ATP12A: variants seen among roughly 807,000 people sequenced by gnomAD.
ATP12A encodes the protein potassium-transporting ATPase alpha chain 2.
A neutral mutation model predicts 111.2 loss-of-function variants in ATP12A; 81 were observed. The observed-to-expected ratio is 0.73, with a 90% confidence interval of 0.61 to 0.88. ATP12A has a LOEUF of 0.88. Among genes scored for constraint, ATP12A ranks in the 40% least tolerant of loss-of-function variants. The probability of loss-of-function intolerance (pLI) is 0.00; values close to 1 mark genes in which losing one functional copy is unlikely to be tolerated. For missense variants in ATP12A, 1,196 were observed against 1,313.1 expected, an observed-to-expected ratio of 0.91 and a Z score of 1.38; for synonymous variants, 498 against 499.8, an observed-to-expected ratio of 1.00 and a Z score of 0.05.
At position 24,692,446 on chromosome 13, in the gene ATP12A, A is replaced by G. The variant is rs543553750; in HGVS notation, c.1086A>G (p.Thr362=). The change falls in exon 9 of 23, where the codon ACA becomes ACG. Residue 362 remains threonine, a synonymous_variant. Coordinates refer to ENST00000381946, the MANE Select transcript of ATP12A (RefSeq NM_001676.7). ...LATVTVTLSL[T]AKRMAKKNCL... ...CCTGCTAGGTGACCCTGTCGCTGAC[A>G]GCAAAACGGATGGCCAAGAAGAACT... 1 of 1,613,892 alleles carries G rather than the reference A, an allele frequency of 6.2e-7. No individual in the cohort carries two copies. The highest frequency in any genetic ancestry group is 8.5e-7 in the Non-Finnish European group (1 of 1,180,020).
chr13:24,710,754 A>G, intron 20 of ATP12A, 38 bp from the exon 21 acceptor site: 1 of 1,610,054 alleles, frequency 6.2e-7, no homozygotes. Context: ...ATGAAGCCAC[A>G]AGAATCCCAA....
At chr13:24,697,335 G>A (rs941803605) in intron 11 of ATP12A, among the ~76,000 whole-genome samples, 3 of 152,112 alleles carry the variant, frequency 2.0e-5, no homozygotes, top group Admixed American at 6.5e-5. Context: ...TGTTTTAAAT[G>A]TAAAAAGCCT....
chr13:24,689,139 G>T, intron 4 of ATP12A, 123 bp from the exon 5 acceptor site: 1 of 757,752 alleles, frequency 1.3e-6, no homozygotes, highest in South Asian at 1.7e-5. Flanking sequence ...CGAATTCCAT[G>T]GCCTGTAAAT....
chr13:24,700,825 C>T lies in ATP12A; in HGVS notation c.1784C>T (p.Thr595Ile). 6.2e-7 allele frequency: 1 copy of T among 1,614,202 alleles called. No homozygotes were observed. Residue 595 changes from threonine (T) to isoleucine (I), a missense_variant, in exon 13 of 23, where the codon ACC becomes ATC. By Grantham distance (89) the Thr-to-Ile change is moderately conservative. Coordinates refer to ENST00000381946, the MANE Select transcript of ATP12A (RefSeq NM_001676.7). ...SFDIDAMNFP[T>I]SNLCFVGLLS... ...GACATAGACGCTATGAACTTTCCGA[C>T]CTCCAACCTCTGTTTTGTGGGACTC...
chr13:24,692,889 T>G lies in ATP12A; in HGVS notation c.1370T>G (p.Ile457Ser), dbSNP rs74643383. The part of the protein sequence containing the change: ...EFKPGQENVP[I>S]MKKAVIGDAS... ...AAGCCAGGACAGGAAAATGTCCCCA[T>G]CATGAAGGTAATGCTTCTGCAGCAC... Residue 457 changes from isoleucine (I) to serine (S), a missense_variant, in exon 10 of 23, where the codon ATC becomes AGC. Physicochemically the swap from Ile to Ser is moderately radical, Grantham distance 142. Coordinates refer to ENST00000381946, the MANE Select transcript of ATP12A (RefSeq NM_001676.7). 1,930 of 1,613,410 alleles carry G rather than the reference T, an allele frequency of 1.2e-3. 6 individuals carry two copies. The highest frequency in any genetic ancestry group is 1.5e-3 in the Non-Finnish European group (1,766 of 1,179,344).
chr13:24,699,103 C>A (rs1875290321), intron 12 of ATP12A, among the ~76,000 whole-genome samples: 1 of 152,046 alleles, frequency 6.6e-6, no homozygotes, highest in Non-Finnish European at 1.5e-5. Context: ...CCTTAAGTGA[C>A]TGCATTTGAG....
rs1375397678 is a variant in ATP12A at position 24,692,634 on chromosome 13, C to G, written c.1267+7C>G. The G allele has an allele frequency of 6.2e-7, 1 of 1,609,864 alleles. No individual in the cohort carries two copies. The highest frequency in any genetic ancestry group is 1.3e-5 in the African/African-American group (1 of 74,986). On this transcript the variant is annotated splice_region_variant and intron_variant, in intron 9 of 22. Transcript: ENST00000381946. Reference sequence around the variant, plus strand: ...ACCAGTGAGGACCATTCAAGTAAGTCTTATGGAGAGCTCGGTCTGGCCAAA... The same window carrying G: ...ACCAGTGAGGACCATTCAAGTAAGTGTTATGGAGAGCTCGGTCTGGCCAAA...
intron 12 of ATP12A, 21 bp downstream of exon 12, chr13:24,698,871 C>T (rs771136202): frequency 6.2e-7 from 1 of 1,610,896 alleles, no homozygotes; most frequent in Admixed American, 1.7e-5. Flanking sequence ...CGGCAGGGCC[C>T]TGCCCATCAC....
At chr13:24,698,595 G>C (rs753843092) in intron 11 of ATP12A, 63 bp from the exon 12 acceptor site, 10 of 1,525,410 alleles carry the variant, frequency 6.6e-6, no homozygotes, top group Non-Finnish European at 8.9e-6. Context: ...TAATGGACCA[G>C]TAGAGAAGAA....
At chr13:24,706,071 G>GT (rs1331350597) in intron 14 of ATP12A, among the ~76,000 whole-genome samples, 1 of 152,136 alleles carries the variant, frequency 6.6e-6, no homozygotes, top group Non-Finnish European at 1.5e-5. Flanking sequence ...AGGCTACCTG[G>GT]TTTTTTATTC....
chr13:24,709,542 T>C (rs1875868426), intron 18 of ATP12A, 55 bp downstream of exon 18: 4 of 1,600,390 alleles, frequency 2.5e-6, no homozygotes, highest in Non-Finnish European at 3.4e-6. Flanking sequence ...GAGAATTCAC[T>C]GGAGTGGGGG....
chr13:24,708,448 T>A (rs1014327488), intron 17 of ATP12A, among the ~76,000 whole-genome samples: 6 of 152,160 alleles, frequency 3.9e-5, no homozygotes, highest in Non-Finnish European at 8.8e-5. Context: ...CTAGAGAGAC[T>A]GGAGATGTCT....
chr13:24,697,947 A>C (rs1176584648), intron 11 of ATP12A, among the ~76,000 whole-genome samples: 3 of 152,182 alleles, frequency 2.0e-5, no homozygotes, highest in African/African-American at 2.4e-5. Flanking sequence ...CAAACACTCC[A>C]GCTTCCTGAG....
chr13:24,708,069 T>A (rs1449625068), intron 17 of ATP12A, among the ~76,000 whole-genome samples: 1 of 152,142 alleles, frequency 6.6e-6, no homozygotes, highest in East Asian at 1.9e-4. Flanking sequence ...TCACTCAGAT[T>A]AATCACCCAA....
chr13:24,703,532 A>G (rs1875486528), intron 14 of ATP12A: 1 of 152,060 alleles, frequency 6.6e-6, no homozygotes, highest in African/African-American at 2.4e-5. Context: ...GTGAGCCACC[A>G]CACCTGGACT....
At chr13:24,683,327 G>A (rs1418183005) in intron 2 of ATP12A, among the ~76,000 whole-genome samples, 1 of 152,200 alleles carries the variant, frequency 6.6e-6, no homozygotes, top group Non-Finnish European at 1.5e-5. Context: ...TGGGAACACC[G>A]AAGGGGAAAC....
At chr13:24,709,611 G>A (rs548702516) in intron 18 of ATP12A, 72 bp from the exon 19 acceptor site, 43 of 1,596,440 alleles carry the variant, frequency 2.7e-5, no homozygotes, top group East Asian at 2.5e-4. Context: ...AGGGGGAACC[G>A]AGAGTAGACA....
At chr13:24,682,603 T>C (rs972488207) in intron 2 of ATP12A, among the ~76,000 whole-genome samples, 27 of 152,196 alleles carry the variant, frequency 1.8e-4, no homozygotes, top group Admixed American at 1.7e-3. Flanking sequence ...CAGTTTTCAA[T>C]TGATTAGTAA....
At position 24,700,995 on chromosome 13, in the gene ATP12A, C is replaced by A. The variant is rs567657366; in HGVS notation, c.1881+73C>A. The A allele has an allele frequency of 1.1e-3, 1,688 of 1,518,384 alleles. 26 individuals carry two copies. In the South Asian group the frequency reaches 0.019, roughly 18 times the overall value. 94.1% of individuals were successfully genotyped at this position (1,518,384 alleles called of 1,614,324 possible). On this transcript the variant is annotated intron_variant, in intron 13 of 22. Transcript: ENST00000381946. ...TCCTTTCTAATAATGGTTTTCATAG[C>A]AGATGGTCAGTATTTAGGTGTCTTC...
Sources: gnomAD v4.1 joint callset for allele counts (sites outside exome capture counted in the v4.1 genomes callset) on GRCh38, gnomAD v4.1.1 for gene constraint, MANE v1.5 for transcripts, NCBI Gene and HGNC (gene_info 2026-07-23, HGNC 2026-07-21) for gene names.